The following RRAS2 variants were observed in gnomAD, a reference collection of about 807,000 sequenced individuals.
RRAS2 encodes the protein ras-related protein R-Ras2.
Under a neutral mutation model 27.6 loss-of-function variants are expected in RRAS2, and 7 were observed. The observed-to-expected ratio is 0.25, with a 90% CI of 0.14 to 0.48. The LOEUF is 0.48. Ranked by LOEUF, RRAS2 falls within the 20% of genes least tolerant of loss-of-function variation. The probability of loss-of-function intolerance (pLI) is 0.99; values close to 1 mark genes in which losing one functional copy is unlikely to be tolerated. For missense variants in RRAS2, 178 were observed against 256.2 expected, an observed-to-expected ratio of 0.69 and a Z score of 2.08; for synonymous variants, 86 against 90.9, an observed-to-expected ratio of 0.95 and a Z score of 0.31.
chr11:14,324,272 A>G (rs1460103899), intron 1 of RRAS2, among the ~76,000 whole-genome samples: 1 of 152,106 alleles, frequency 6.6e-6, no homozygotes, highest in Admixed American at 6.5e-5. Flanking sequence ...AGCAAAAAAA[A>G]ATACCACTTC....
chr11:14,342,860 A>G (rs1848745810), intron 1 of RRAS2, among the ~76,000 whole-genome samples: 1 of 152,242 alleles, frequency 6.6e-6, no homozygotes, highest in African/African-American at 2.4e-5. Flanking sequence ...AGAATTAAAA[A>G]TATGACAAGG....
chr11:14,294,490 T>C lies in RRAS2; in HGVS notation c.389A>G (p.Asp130Gly). The C allele has an allele frequency of 1.3e-6, 2 of 1,591,998 alleles. No homozygotes were observed. The highest frequency in any genetic ancestry group is 4.5e-5 in the East Asian group (2 of 44,692). ...TCTCACCTGTCTTTGATGATCCAGA[T>C]CTGCTTTATTACCAATTAAAATCAT... ...FPMILIGNKA[D>G]LDHQRQVTQE... The change falls in exon 4 of 6, where the codon GAT becomes GGT. Residue 130 changes from aspartate (D) to glycine (G), a missense_variant. By Grantham distance (94) the Asp-to-Gly change is moderately conservative (BLOSUM62 -1). Transcript: ENST00000256196.
At chr11:14,290,805 A>T (rs1470536941) in intron 4 of RRAS2, among the ~76,000 whole-genome samples, 1 of 152,242 alleles carries the variant, frequency 6.6e-6, no homozygotes, top group Non-Finnish European at 1.5e-5. Context: ...TAGAGAAAGT[A>T]AGTTTCAGGA....
intron 1 of RRAS2, among the ~76,000 whole-genome samples, chr11:14,356,023 C>T (rs1554955374): frequency 6.6e-6 from 1 of 152,190 alleles, no homozygotes; most frequent in African/African-American, 2.4e-5. Context: ...AGACACTGTT[C>T]TAAGCCCTTG....
intron 1 of RRAS2, among the ~76,000 whole-genome samples, chr11:14,334,521 C>T (rs1384257521): frequency 6.6e-6 from 1 of 150,646 alleles, no homozygotes; most frequent in African/African-American, 2.5e-5. Flanking sequence ...TTTTGAAAAG[C>T]ATCCATACAT....
intron 4 of RRAS2, among the ~76,000 whole-genome samples, chr11:14,287,526 A>G (rs921732557): frequency 6.6e-6 from 1 of 152,156 alleles, no homozygotes; most frequent in Admixed American, 6.5e-5. Flanking sequence ...CCCATCATGC[A>G]TAATGTAATT....
chr11:14,314,109 C>A (rs1274185301), intron 1 of RRAS2, among the ~76,000 whole-genome samples: 1 of 152,188 alleles, frequency 6.6e-6, no homozygotes, highest in East Asian at 1.9e-4. Context: ...AAATGTGAAA[C>A]TAGACATGTA....
At chr11:14,345,275 C>T (rs1419037341) in intron 1 of RRAS2, among the ~76,000 whole-genome samples, 4 of 152,034 alleles carry the variant, frequency 2.6e-5, no homozygotes, top group African/African-American at 4.8e-5. Context: ...AGTGAGCCAC[C>T]GCACCTGGCC....
intron 1 of RRAS2, among the ~76,000 whole-genome samples, chr11:14,299,693 C>T (rs1554947121): frequency 6.6e-6 from 1 of 152,144 alleles, no homozygotes; most frequent in Admixed American, 6.6e-5. Flanking sequence ...CTAAGTACTC[C>T]ATAAAGATAC....
chr11:14,299,797 G>A (rs554905155), intron 1 of RRAS2, among the ~76,000 whole-genome samples: 1 of 152,260 alleles, frequency 6.6e-6, no homozygotes, highest in South Asian at 2.1e-4. Context: ...AAGGATTGGG[G>A]CATTTTAAGT....
intron 1 of RRAS2, among the ~76,000 whole-genome samples, chr11:14,312,239 C>G (rs1360264525): frequency 6.6e-6 from 1 of 152,214 alleles, no homozygotes; most frequent in African/African-American, 2.4e-5. Flanking sequence ...GCATATCTAT[C>G]ACAGCATAGC....
At chr11:14,364,134 C>T (rs187300446), upstream of RRAS2, among the ~76,000 whole-genome samples, 2 of 152,316 alleles carry the variant, frequency 1.3e-5, no homozygotes, top group Admixed American at 1.3e-4. Flanking sequence ...GAGGAGGGTG[C>T]TCATCCCTGT....
intron 4 of RRAS2, among the ~76,000 whole-genome samples, chr11:14,289,618 T>C (rs1319961770): frequency 6.6e-6 from 1 of 152,214 alleles, no homozygotes; most frequent in Admixed American, 6.5e-5. Flanking sequence ...ATTCTACAGA[T>C]ATCTTTTTAT....
chr11:14,301,206 T>C (rs1254679188), intron 1 of RRAS2, among the ~76,000 whole-genome samples: 1 of 152,174 alleles, frequency 6.6e-6, no homozygotes, highest in Non-Finnish European at 1.5e-5. Context: ...CTGGGCAACG[T>C]GTATATGGTT....
intron 1 of RRAS2, among the ~76,000 whole-genome samples, chr11:14,306,664 T>G (rs1847836812): frequency 6.6e-6 from 1 of 152,096 alleles, no homozygotes; most frequent in African/African-American, 2.4e-5. Context: ...AGCCTCCCAC[T>G]AGGTGGCTGT....
At chr11:14,349,356 G>GT (rs1848904822) in intron 1 of RRAS2, among the ~76,000 whole-genome samples, 1 of 150,102 alleles carries the variant, frequency 6.7e-6, no homozygotes, top group Non-Finnish European at 1.5e-5. Flanking sequence ...AAAGAGGGGG[G>GT]TTTCACTGTG....
At chr11:14,343,597 G>A (rs1848763731) in intron 1 of RRAS2, among the ~76,000 whole-genome samples, 1 of 152,238 alleles carries the variant, frequency 6.6e-6, no homozygotes, top group East Asian at 1.9e-4. Context: ...GCCAAGGCAC[G>A]CAGGCAGATC....
At chr11:14,293,748 T>C (rs182010980) in intron 4 of RRAS2, among the ~76,000 whole-genome samples, 9 of 152,330 alleles carry the variant, frequency 5.9e-5, no homozygotes, top group Admixed American at 5.2e-4. Context: ...TTACCCAGTC[T>C]TGGGTATGTC....
chr11:14,334,496 T>C (rs568238787), intron 1 of RRAS2, among the ~76,000 whole-genome samples: 2 of 151,918 alleles, frequency 1.3e-5, no homozygotes, highest in East Asian at 3.9e-4. Context: ...CAATTACTGA[T>C]GGAGGGTAAA....
Sources: allele counts gnomAD v4.1 joint callset (sites outside exome capture counted in the v4.1 genomes callset), GRCh38; gene constraint gnomAD v4.1.1; transcripts MANE v1.5; gene names NCBI Gene and HGNC (gene_info 2026-07-23, HGNC 2026-07-21).